The following LRP1B variants were observed in gnomAD, a reference collection of about 807,000 sequenced individuals.
LRP1B encodes the protein low-density lipoprotein receptor-related protein 1B.
A neutral mutation model predicts 556.6 loss-of-function variants in LRP1B; 217 were observed. The ratio of observed to expected loss-of-function variants is 0.39; its 90% CI spans 0.35 to 0.44. LRP1B has a LOEUF of 0.44. Ranked by LOEUF, LRP1B falls within the 20% of genes least tolerant of loss-of-function variation. The probability of loss-of-function intolerance (pLI) is 1.00; values close to 1 mark genes in which losing one functional copy is unlikely to be tolerated. For synonymous variants in LRP1B, 2,047 were observed against 1,865.8 expected, an observed-to-expected ratio of 1.10 and a Z score of -2.50; for missense variants, 5,053 against 5,620.8, an observed-to-expected ratio of 0.90 and a Z score of 3.23.
At chr2:142,080,730 G>A (rs79497408) in intron 1 of LRP1B, among the ~76,000 whole-genome samples, 2 of 152,114 alleles carry the variant, frequency 1.3e-5, no homozygotes, top group East Asian at 1.9e-4. Flanking sequence ...TATATTTTTG[G>A]TGGGAGATTG....
chr2:140,390,806 A>ACG (rs879372888), intron 66 of LRP1B, among the ~76,000 whole-genome samples: 1 of 146,612 alleles, frequency 6.8e-6, no homozygotes. Context: ...ACACACACAC[A>ACG]ACATATTTGA....
intron 3 of LRP1B, among the ~76,000 whole-genome samples, chr2:141,316,580 GT>G (rs1226051583): frequency 2.6e-5 from 4 of 152,160 alleles, no homozygotes; most frequent in African/African-American, 7.2e-5. Flanking sequence ...ACCAGTTTCT[GT>G]TTTATAAATC....
intron 11 of LRP1B, among the ~76,000 whole-genome samples, chr2:141,025,350 A>G (rs1698188354): frequency 6.6e-6 from 1 of 152,086 alleles, no homozygotes; most frequent in African/African-American, 2.4e-5. Flanking sequence ...TTACACAACC[A>G]TATCTAAAGC....
At chr2:142,109,151 A>G (rs142575774) in intron 1 of LRP1B, among the ~76,000 whole-genome samples, 1 of 152,330 alleles carries the variant, frequency 6.6e-6, no homozygotes, top group African/African-American at 2.4e-5. Flanking sequence ...CATTTGACAG[A>G]ATTCTGTTAC....
At chr2:140,527,198 G>A (rs1330038623) in intron 47 of LRP1B, among the ~76,000 whole-genome samples, 1 of 151,826 alleles carries the variant, frequency 6.6e-6, no homozygotes, top group Non-Finnish European at 1.5e-5. Flanking sequence ...CTTACCCATT[G>A]ATAATCATAT....
chr2:140,546,159 T>C (rs928762703), intron 43 of LRP1B, among the ~76,000 whole-genome samples: 10 of 152,028 alleles, frequency 6.6e-5, no homozygotes, highest in African/African-American at 1.9e-4. Context: ...GCTGAAATTG[T>C]TTATCAGCTT....
chr2:141,711,704 C>G (rs1692365101), intron 2 of LRP1B, among the ~76,000 whole-genome samples: 1 of 152,098 alleles, frequency 6.6e-6, no homozygotes, highest in Non-Finnish European at 1.5e-5. Context: ...TCACAGGCTC[C>G]CTTACTCTCA....
intron 86 of LRP1B, among the ~76,000 whole-genome samples, chr2:140,262,687 G>A (rs138478793): frequency 1.3e-3 from 195 of 152,164 alleles, no homozygotes; most frequent in African/African-American, 4.4e-3. Context: ...TCGAAATCCA[G>A]AAAACAAGAG....
chr2:140,720,921 A>G (rs1174917195), intron 35 of LRP1B, among the ~76,000 whole-genome samples: 3 of 152,178 alleles, frequency 2.0e-5, no homozygotes, highest in Non-Finnish European at 2.9e-5. Context: ...ATATAATAAC[A>G]GGGTAGAAAA....
chr2:141,181,943 C>G (rs1681017567), intron 7 of LRP1B, among the ~76,000 whole-genome samples: 1 of 151,978 alleles, frequency 6.6e-6, no homozygotes, highest in African/African-American at 2.4e-5. Context: ...CTTTGAACCG[C>G]TAAGTTCAGT....
chr2:140,727,450 G>A (rs1687633014), intron 35 of LRP1B, among the ~76,000 whole-genome samples: 1 of 152,134 alleles, frequency 6.6e-6, no homozygotes. Flanking sequence ...AACCTCTGGA[G>A]GAGGCTATGA....
intron 1 of LRP1B, among the ~76,000 whole-genome samples, chr2:141,953,647 C>T (rs905486886): frequency 6.6e-6 from 1 of 152,016 alleles, no homozygotes; most frequent in Non-Finnish European, 1.5e-5. Flanking sequence ...GTTTGAGAAT[C>T]ATACATAGGG....
intron 2 of LRP1B, among the ~76,000 whole-genome samples, chr2:141,575,257 A>G (rs1257008607): frequency 1.3e-5 from 2 of 152,210 alleles, no homozygotes; most frequent in African/African-American, 4.8e-5. Flanking sequence ...TGGTACCAAA[A>G]CAGACATATA....
intron 66 of LRP1B, among the ~76,000 whole-genome samples, chr2:140,423,396 T>C (rs905214040): frequency 6.6e-6 from 1 of 152,138 alleles, no homozygotes; most frequent in Non-Finnish European, 1.5e-5. Context: ...TTTCAATACA[T>C]TGAAGCAAAT....
intron 1 of LRP1B, among the ~76,000 whole-genome samples, chr2:142,086,459 T>C (rs1486334805): frequency 6.6e-6 from 1 of 151,976 alleles, no homozygotes; most frequent in African/African-American, 2.4e-5. Context: ...GCAAAAATTA[T>C]CTGGGCGTGG....
At chr2:141,325,244 A>G (rs1344768903) in intron 3 of LRP1B, among the ~76,000 whole-genome samples, 2 of 152,036 alleles carry the variant, frequency 1.3e-5, no homozygotes, top group African/African-American at 2.4e-5. Flanking sequence ...ATAAACGTGG[A>G]CTTTGGGCAG....
chr2:141,721,457 G>T (rs1692811346), intron 2 of LRP1B, among the ~76,000 whole-genome samples: 1 of 152,020 alleles, frequency 6.6e-6, no homozygotes, highest in South Asian at 2.1e-4. Context: ...AGGTTGTCAA[G>T]ATATTAGGTT....
At chr2:141,381,120 A>AGAT (rs1166808317) in intron 3 of LRP1B, among the ~76,000 whole-genome samples, 1 of 152,156 alleles carries the variant, frequency 6.6e-6, no homozygotes, top group African/African-American at 2.4e-5. Flanking sequence ...TTTGTCCTAT[A>AGAT]GATAACAAAA....
intron 86 of LRP1B, among the ~76,000 whole-genome samples, chr2:140,263,802 A>G (rs923985257): frequency 3.8e-4 from 27 of 70,424 alleles, no homozygotes; most frequent in African/African-American, 1.4e-3. Flanking sequence ...AAAGTAATTG[A>G]GGCCTTTTTT....
Sources: allele counts gnomAD v4.1 joint callset (sites outside exome capture counted in the v4.1 genomes callset), GRCh38; gene constraint gnomAD v4.1.1; transcripts MANE v1.5; gene names NCBI Gene and HGNC (gene_info 2026-07-23, HGNC 2026-07-21).